The following TBC1D14 variants were observed in gnomAD, a reference collection of about 807,000 sequenced individuals.
The protein encoded by TBC1D14 is TBC1 domain family, member 14.
A neutral mutation model predicts 79.0 loss-of-function variants in TBC1D14; 26 were observed. The observed-to-expected ratio is 0.33, with a 90% confidence interval of 0.24 to 0.46. The LOEUF (loss-of-function observed/expected upper bound fraction) is 0.46, where lower values mean the gene tolerates loss of function less well. Ranked by LOEUF, TBC1D14 falls within the 20% of genes least tolerant of loss-of-function variation. TBC1D14 has a pLI of 1.00. For missense variants in TBC1D14, 769 were observed against 887.6 expected (o/e 0.87, Z 1.70); for synonymous variants, 394 against 349.9 (o/e 1.13, Z -1.40).
At chr4:7,018,950 T>A (rs1455851518) in intron 12 of TBC1D14, among the ~76,000 whole-genome samples, 1 of 152,200 alleles carries the variant, frequency 6.6e-6, no homozygotes, top group African/African-American at 2.4e-5. Flanking sequence ...CATTCCATGT[T>A]ATGGTTAGCG....
intron 1 of TBC1D14, among the ~76,000 whole-genome samples, chr4:6,913,468 G>A (rs775472947): frequency 3.3e-5 from 5 of 152,204 alleles, no homozygotes; most frequent in Admixed American, 6.5e-5. Flanking sequence ...TCATAAGTAC[G>A]CCAGCAGGCC....
At chr4:6,940,789 G>T (rs147865597) in intron 2 of TBC1D14, among the ~76,000 whole-genome samples, 3 of 152,318 alleles carry the variant, frequency 2.0e-5, no homozygotes, top group Middle Eastern at 3.4e-3. Flanking sequence ...CTATGTTCTT[G>T]TGTCTTACCT....
chr4:6,979,928 C>G (rs1717213500), intron 3 of TBC1D14, among the ~76,000 whole-genome samples: 1 of 152,112 alleles, frequency 6.6e-6, no homozygotes, highest in African/African-American at 2.4e-5. Context: ...TCTATTAGAT[C>G]TGAAACAAAT....
At position 7,025,705 on chromosome 4, in the gene TBC1D14, C is replaced by G. The variant is rs796592599; in HGVS notation, c.2016+443C>G. On this transcript the variant is annotated intron_variant, in intron 13 of 13. Coordinates refer to ENST00000409757, the MANE Select transcript of TBC1D14 (RefSeq NM_020773.3). ...CCTTGAGAAGGAAGTGGGATTACCC[C>G]CCTCTTACAACAAAGGGAGGCCCAG... 4.3e-4 allele frequency among the ~76,000 whole-genome samples: 65 copies of G among 152,366 alleles called. 1 individual carries two copies. Among genetic ancestry groups the G allele is most frequent in the African/African-American group, 4.1e-4 (17 of 41,598 alleles).
At chr4:6,973,601 G>A (rs1382837847) in intron 3 of TBC1D14, among the ~76,000 whole-genome samples, 1 of 152,054 alleles carries the variant, frequency 6.6e-6, no homozygotes, top group African/African-American at 2.4e-5. Context: ...GTGAGTTGGG[G>A]AAGAAGACCA....
intron 3 of TBC1D14, among the ~76,000 whole-genome samples, chr4:6,990,215 G>A (rs894066680): frequency 1.3e-5 from 2 of 152,232 alleles, no homozygotes; most frequent in Non-Finnish European, 2.9e-5. Flanking sequence ...TTTGGAGGCT[G>A]AGGTGGGTGG....
intron 5 of TBC1D14, 112 bp from the exon 6 acceptor site, chr4:6,998,973 T>A: frequency 1.1e-6 from 1 of 930,680 alleles, no homozygotes; most frequent in Non-Finnish European, 1.7e-6. Context: ...ATGCTCGCTC[T>A]GCTTCAGGGC....
intron 2 of TBC1D14, among the ~76,000 whole-genome samples, chr4:6,927,742 G>T (rs189478323): frequency 6.6e-6 from 1 of 152,210 alleles, no homozygotes. Context: ...TCCCCAAGTT[G>T]TGAGAGCCAA....
intron 7 of TBC1D14, among the ~76,000 whole-genome samples, chr4:7,002,308 A>G (rs1719753674): frequency 6.6e-6 from 1 of 152,198 alleles, no homozygotes; most frequent in South Asian, 2.1e-4. Flanking sequence ...GGTTTTTTAA[A>G]AGTATCCTCA....
intron 3 of TBC1D14, among the ~76,000 whole-genome samples, chr4:6,985,217 C>T (rs751565332): frequency 6.6e-6 from 1 of 152,084 alleles, no homozygotes; most frequent in Non-Finnish European, 1.5e-5. Context: ...GTTACCACAC[C>T]CAGGAGAATG....
intron 10 of TBC1D14, 27 bp from the exon 11 acceptor site, chr4:7,010,626 T>G (rs2109249946): frequency 6.2e-7 from 1 of 1,605,458 alleles, no homozygotes; most frequent in Non-Finnish European, 8.5e-7. Context: ...CACTGTGATT[T>G]TAACGTGCCT....
At chr4:6,981,042 A>T (rs7689757) in intron 3 of TBC1D14, among the ~76,000 whole-genome samples, 15,773 of 105,988 alleles carry the variant, frequency 0.15, 1,284 homozygotes, top group African/African-American at 0.28. Context: ...TTTTTTTTTT[A>T]AAGACTGAGT....
At chr4:6,992,760 G>C (rs975352806) in intron 3 of TBC1D14, among the ~76,000 whole-genome samples, 1 of 152,216 alleles carries the variant, frequency 6.6e-6, no homozygotes, top group Non-Finnish European at 1.5e-5. Context: ...GGCTAGTGCC[G>C]TCTTAGGTCA....
chr4:7,015,425 C>T (rs986733033), intron 12 of TBC1D14, among the ~76,000 whole-genome samples: 1 of 152,064 alleles, frequency 6.6e-6, no homozygotes, highest in South Asian at 2.1e-4. Flanking sequence ...GGAGAAGATT[C>T]GGCCAGGGCA....
At chr4:6,912,815 T>C (rs1235759627) in intron 1 of TBC1D14, among the ~76,000 whole-genome samples, 1 of 152,224 alleles carries the variant, frequency 6.6e-6, no homozygotes, top group South Asian at 2.1e-4. Flanking sequence ...ATAGGGTCTC[T>C]TACTGTCTTC....
chr4:7,029,460 C>T (rs372812144), intron 13 of TBC1D14, among the ~76,000 whole-genome samples: 109 of 152,356 alleles, frequency 7.2e-4, no homozygotes, highest in African/African-American at 2.4e-3. Flanking sequence ...GGGCGCGAAG[C>T]GCTGGCAGAG....
At chr4:7,019,819 G>A (rs188423008) in intron 12 of TBC1D14, among the ~76,000 whole-genome samples, 2 of 83,424 alleles carry the variant, frequency 2.4e-5, no homozygotes, top group Non-Finnish European at 2.3e-5. Flanking sequence ...GCTCAGGTTA[G>A]GGAGGACCCT....
intron 8 of TBC1D14, among the ~76,000 whole-genome samples, chr4:7,005,146 T>C (rs866801643): frequency 1.3e-5 from 2 of 152,226 alleles, no homozygotes; most frequent in Admixed American, 6.5e-5. Context: ...ATGCCTGTAA[T>C]CCCAGCACTT....
At chr4:6,912,989 G>A (rs1329368146) in intron 1 of TBC1D14, among the ~76,000 whole-genome samples, 2 of 152,060 alleles carry the variant, frequency 1.3e-5, no homozygotes, top group Non-Finnish European at 2.9e-5. Context: ...GTTTTGTTCT[G>A]TTCTATTCTA....
Sources: allele counts gnomAD v4.1 joint callset (sites outside exome capture counted in the v4.1 genomes callset), GRCh38; gene constraint gnomAD v4.1.1; transcripts MANE v1.5; gene names NCBI Gene and HGNC (gene_info 2026-07-23, HGNC 2026-07-21).